TRIM14: variants seen among roughly 807,000 people sequenced by gnomAD.
The protein encoded by TRIM14 is tripartite motif-containing protein 14.
In TRIM14, 28 loss-of-function variants were observed where a neutral mutation model predicts 44.5. The observed-to-expected ratio is 0.63, with a 90% CI of 0.47 to 0.86. TRIM14 has a LOEUF of 0.86. Ranked by LOEUF, TRIM14 falls within the 40% of genes least tolerant of loss-of-function variation. TRIM14 has a pLI of 0.00. For synonymous variants in TRIM14, 299 were observed against 269.2 expected, an observed-to-expected ratio of 1.11 and a Z score of -1.08; for missense variants, 607 against 611.1, an observed-to-expected ratio of 0.99 and a Z score of 0.07.
At chr9:98,106,713 A>G (rs1320699506) in intron 2 of TRIM14, among the ~76,000 whole-genome samples, 3 of 152,206 alleles carry the variant, frequency 2.0e-5, no homozygotes, top group African/African-American at 7.2e-5. Flanking sequence ...GATATACCAT[A>G]TTCATGGATT....
intron 3 of TRIM14, among the ~76,000 whole-genome samples, chr9:98,097,737 C>T (rs1826237288): frequency 6.6e-6 from 1 of 151,836 alleles, no homozygotes; most frequent in African/African-American, 2.4e-5. Context: ...TAGCTGTGGC[C>T]CAAGAGAATT....
chr9:98,108,425 TTGTTAG>T (rs1301294114), intron 2 of TRIM14, among the ~76,000 whole-genome samples: 1 of 152,144 alleles, frequency 6.6e-6, no homozygotes, highest in African/African-American at 2.4e-5. Context: ...TCATCAGCTA[TTGTTAG>T]TGTTAGTGTA....
intron 2 of TRIM14, 77 bp from the exon 3 acceptor site, chr9:98,100,241 A>T (rs763899808): frequency 7.4e-6 from 10 of 1,355,220 alleles, no homozygotes; most frequent in Admixed American, 5.3e-5. Flanking sequence ...GAAAAAAATC[A>T]TAACGTCTGA....
At chr9:98,038,020 A>C in the TRIM14 span, among the ~76,000 whole-genome samples, 1 of 151,648 alleles carries the variant, frequency 6.6e-6, no homozygotes, top group Non-Finnish European at 1.5e-5. Context: ...GGTACATGCC[A>C]GTGCACCCGG....
intron 2 of TRIM14, among the ~76,000 whole-genome samples, chr9:98,105,864 A>T (rs1247059214): frequency 6.6e-6 from 1 of 151,182 alleles, no homozygotes; most frequent in Non-Finnish European, 1.5e-5. Context: ...CACCAGAAAA[A>T]CTCCACCCCC....
chr9:98,107,116 A>T (rs1219735483), intron 2 of TRIM14, among the ~76,000 whole-genome samples: 1 of 152,226 alleles, frequency 6.6e-6, no homozygotes, highest in African/African-American at 2.4e-5. Context: ...TATGCAAGTT[A>T]AGATAAAAAC....
chr9:98,062,210 T>TAAA, the TRIM14 span, among the ~76,000 whole-genome samples: 1 of 133,738 alleles, frequency 7.5e-6, no homozygotes, highest in Non-Finnish European at 1.6e-5. Flanking sequence ...TGTCTCTTAA[T>TAAA]AAAAAAAAAA....
chr9:98,072,239 C>G (rs1044930213), intron 6 of TRIM14, among the ~76,000 whole-genome samples: 2 of 152,130 alleles, frequency 1.3e-5, no homozygotes, highest in Non-Finnish European at 2.9e-5. Context: ...CGTGGGGTGC[C>G]AGCACAGGGC....
At chr9:98,093,325 C>T (rs963079755) in intron 4 of TRIM14, among the ~76,000 whole-genome samples, 2 of 152,222 alleles carry the variant, frequency 1.3e-5, no homozygotes, top group Non-Finnish European at 2.9e-5. Flanking sequence ...CCAGACGTAA[C>T]AGCAGCAGCA....
intron 4 of TRIM14, 108 bp downstream of exon 4, chr9:98,094,758 GC>G: frequency 7.5e-7 from 1 of 1,338,620 alleles, no homozygotes; most frequent in Non-Finnish European, 1.0e-6. Context: ...CCAGCCAAGG[GC>G]CTCAGTGTGG....
downstream of TRIM14, among the ~76,000 whole-genome samples, chr9:98,064,992 A>G (rs1829093737): frequency 6.6e-6 from 1 of 152,136 alleles, no homozygotes; most frequent in African/African-American, 2.4e-5. Flanking sequence ...TCAGTTAATT[A>G]CTGCCCTGCA....
chr9:98,042,229 C>T, the TRIM14 span, among the ~76,000 whole-genome samples: 1 of 145,970 alleles, frequency 6.9e-6, no homozygotes. Flanking sequence ...GGAGGCGGAG[C>T]TTGCAGTGAG....
intron 2 of TRIM14, among the ~76,000 whole-genome samples, chr9:98,105,237 C>T (rs903603031): frequency 1.3e-5 from 2 of 152,244 alleles, no homozygotes; most frequent in Non-Finnish European, 2.9e-5. Context: ...TTATTCCACC[C>T]GCAGGGGTTC....
chr9:98,077,983 T>G, intron 6 of TRIM14: 1 of 609,682 alleles, frequency 1.6e-6, no homozygotes, highest in Non-Finnish European at 2.8e-6. Flanking sequence ...TCAAGAACAC[T>G]GTCGGGGGGC....
intron 6 of TRIM14, chr9:98,078,126 G>A: frequency 6.2e-7 from 1 of 1,600,404 alleles, no homozygotes. Context: ...CAGCAGTTGG[G>A]ATGTGTTGGG....
chr9:98,061,069 G>A, the TRIM14 span: 20 of 1,456,364 alleles, frequency 1.4e-5, no homozygotes, highest in East Asian at 2.3e-5. Flanking sequence ...GGTGACTTCC[G>A]GCTTAGGGCC....
chr9:98,049,787 T>C, the TRIM14 span, among the ~76,000 whole-genome samples: 13 of 152,128 alleles, frequency 8.5e-5, no homozygotes, highest in Non-Finnish European at 1.9e-4. Context: ...TTTAACCTCA[T>C]GGGAATGCAG....
intron 2 of TRIM14, among the ~76,000 whole-genome samples, chr9:98,103,265 AC>A (rs1826470254): frequency 6.6e-6 from 1 of 152,154 alleles, no homozygotes; most frequent in Non-Finnish European, 1.5e-5. Flanking sequence ...AAAAAAAAAA[AC>A]AGGTGAAAAA....
At chr9:98,064,336 C>T (rs1163252277), downstream of TRIM14, among the ~76,000 whole-genome samples, 1 of 152,118 alleles carries the variant, frequency 6.6e-6, no homozygotes, top group Non-Finnish European at 1.5e-5. Context: ...TCACTGCAAC[C>T]TCCACCTCCC....
Sources: allele counts gnomAD v4.1 joint callset (sites outside exome capture counted in the v4.1 genomes callset), GRCh38; gene constraint gnomAD v4.1.1; transcripts MANE v1.5; gene names NCBI Gene and HGNC (gene_info 2026-07-23, HGNC 2026-07-21).